PGM5: variants seen among roughly 807,000 people sequenced by gnomAD.
The protein encoded by PGM5 is phosphoglucomutase 5.
Under a neutral mutation model 59.2 loss-of-function variants are expected in PGM5, and 23 were observed. The observed-to-expected ratio is 0.39, with a 90% confidence interval of 0.28 to 0.55. The LOEUF is 0.55. Among genes scored for constraint, PGM5 ranks in the 20% least tolerant of loss-of-function variants. The probability of loss-of-function intolerance (pLI) is 0.66; values close to 1 mark genes in which losing one functional copy is unlikely to be tolerated. For missense variants in PGM5, 574 were observed against 748.3 expected, an observed-to-expected ratio of 0.77 and a Z score of 2.72; for synonymous variants, 214 against 286.0, an observed-to-expected ratio of 0.75 and a Z score of 2.54.
intron 10 of PGM5, among the ~76,000 whole-genome samples, chr9:68,501,058 G>A (rs1824565517): frequency 6.6e-6 from 1 of 152,052 alleles, no homozygotes; most frequent in African/African-American, 2.4e-5. Flanking sequence ...AGTCATGCTG[G>A]TTTTGGTCCC....
chr9:68,418,882 G>A (rs1042791620), intron 6 of PGM5, among the ~76,000 whole-genome samples: 1 of 152,134 alleles, frequency 6.6e-6, no homozygotes, highest in East Asian at 1.9e-4. Context: ...GAGGTGTTGG[G>A]AGATGAAGTT....
intron 9 of PGM5, among the ~76,000 whole-genome samples, chr9:68,492,369 GC>G (rs1343164215): frequency 6.6e-6 from 1 of 152,186 alleles, no homozygotes; most frequent in Non-Finnish European, 1.5e-5. Flanking sequence ...CCCTCCAGCA[GC>G]CCTCTCATCA....
rs1490370825 is a variant in PGM5, at chr9:68,376,866, T to TTC, written c.262-1331_262-1330dup. 4.2e-5 allele frequency among the ~76,000 whole-genome samples: 6 copies of TTC among 143,310 alleles called. 1 individual carries two copies. In the East Asian group the frequency reaches 1.3e-3, roughly 30 times the overall value. The allele number at this position is 143,310 out of a possible 152,430, so 94.0% of individuals were successfully genotyped here. A position where few individuals can be genotyped will look rare whatever the true frequency, so the allele number is the denominator to read the frequency against. On this transcript the variant is annotated intron_variant, in intron 1 of 10. Transcript: ENST00000396396. ...TTCTTTCTTTCTCTTTCTTTCTTTT[T>TTC]TCTTTCTCTTTCTTTCTTTTTTTCT... is the stretch of plus-strand genomic sequence containing the variant.
At chr9:68,415,349 T>G (rs3118939) in intron 6 of PGM5, among the ~76,000 whole-genome samples, 1 of 149,196 alleles carries the variant, frequency 6.7e-6, no homozygotes, top group Non-Finnish European at 1.5e-5. Flanking sequence ...AGGGAGACCC[T>G]GAAGCCAAAG....
At chr9:68,381,596 A>G (rs1554678316) in intron 2 of PGM5, among the ~76,000 whole-genome samples, 1 of 151,578 alleles carries the variant, frequency 6.6e-6, no homozygotes, top group Non-Finnish European at 1.5e-5. Flanking sequence ...CTATTTACAG[A>G]TGATATGATC....
intron 6 of PGM5, among the ~76,000 whole-genome samples, chr9:68,425,888 G>A (rs181803759): frequency 7.9e-5 from 12 of 152,122 alleles, no homozygotes; most frequent in Non-Finnish European, 1.5e-4. Flanking sequence ...AATTTGTATC[G>A]AAAGTACACT....
chr9:68,416,434 CTT>C (rs1823033869), intron 6 of PGM5, among the ~76,000 whole-genome samples: 2 of 152,164 alleles, frequency 1.3e-5, no homozygotes, highest in Non-Finnish European at 2.9e-5. Context: ...AGAAGCCTAT[CTT>C]TATTAATTTT....
At chr9:68,443,402 A>G (rs1469170141) in intron 6 of PGM5, among the ~76,000 whole-genome samples, 1 of 152,210 alleles carries the variant, frequency 6.6e-6, no homozygotes, top group African/African-American at 2.4e-5. Context: ...TCTGTGGTTG[A>G]TGGAAATGTT....
chr9:68,499,431 C>T, intron 10 of PGM5, 70 bp downstream of exon 10: 1 of 1,483,604 alleles, frequency 6.7e-7, no homozygotes, highest in Non-Finnish European at 9.2e-7. Context: ...CTCCATGGGC[C>T]TTTAGTGGGG....
At chr9:68,480,743 GA>G (rs1824184445) in intron 8 of PGM5, among the ~76,000 whole-genome samples, 1 of 151,856 alleles carries the variant, frequency 6.6e-6, no homozygotes, top group African/African-American at 2.4e-5. Flanking sequence ...CAGGGAAAAA[GA>G]AGTACAGAAA....
intron 6 of PGM5, chr9:68,397,282 C>T (rs1554680110): frequency 6.5e-6 from 1 of 152,758 alleles, no homozygotes; most frequent in African/African-American, 2.4e-5. Flanking sequence ...TCTTTTGTGT[C>T]ATCATCCTTC....
chr9:68,515,092 T>C (rs1824805603), intron 10 of PGM5, among the ~76,000 whole-genome samples: 2 of 152,218 alleles, frequency 1.3e-5, no homozygotes, highest in Non-Finnish European at 2.9e-5. Flanking sequence ...AAATTGTGGG[T>C]AGACAGTCTA....
At chr9:68,520,773 G>A (rs1370321115) in intron 10 of PGM5, among the ~76,000 whole-genome samples, 1 of 152,160 alleles carries the variant, frequency 6.6e-6, no homozygotes, top group Middle Eastern at 3.2e-3. Flanking sequence ...CCTGGACGTA[G>A]GCTATATGTG....
intron 6 of PGM5, among the ~76,000 whole-genome samples, chr9:68,411,203 G>T (rs1336435288): frequency 6.6e-6 from 1 of 151,816 alleles, no homozygotes; most frequent in Non-Finnish European, 1.5e-5. Context: ...AATGATTTTG[G>T]GTAGGCAACT....
intron 6 of PGM5, among the ~76,000 whole-genome samples, chr9:68,409,872 T>A (rs1194014297): frequency 4.4e-5 from 6 of 137,476 alleles, no homozygotes; most frequent in African/African-American, 5.6e-5. Flanking sequence ...ACTTAAAGTA[T>A]AAAAAAAAAA....
intron 6 of PGM5, among the ~76,000 whole-genome samples, chr9:68,433,999 A>T (rs1823398225): frequency 2.0e-5 from 3 of 152,314 alleles, no homozygotes; most frequent in Admixed American, 6.5e-5. Context: ...ACCCTCAAAG[A>T]GACAATTCGA....
chr9:68,434,787 C>CA (rs1197460676), intron 6 of PGM5, among the ~76,000 whole-genome samples: 3,694 of 137,512 alleles, frequency 0.027, 127 homozygotes, highest in African/African-American at 0.087. Flanking sequence ...GACTCCATCT[C>CA]AAAAAAAAAA....
chr9:68,375,896 C>G (rs1821866779), intron 1 of PGM5, among the ~76,000 whole-genome samples: 1 of 152,158 alleles, frequency 6.6e-6, no homozygotes, highest in Non-Finnish European at 1.5e-5. Flanking sequence ...GGCAAGTATT[C>G]TAAGCAGAGG....
At chr9:68,423,655 GTCTCTCTCTC>G (rs111849049) in intron 6 of PGM5, among the ~76,000 whole-genome samples, 11 of 145,822 alleles carry the variant, frequency 7.5e-5, no homozygotes, top group Non-Finnish European at 1.2e-4. Flanking sequence ...CTCTCTCTCT[GTCTCTCTCTC>G]TCTCTCTCTC....
Sources: allele counts gnomAD v4.1 joint callset (sites outside exome capture counted in the v4.1 genomes callset), GRCh38; gene constraint gnomAD v4.1.1; transcripts MANE v1.5; gene names NCBI Gene and HGNC (gene_info 2026-07-23, HGNC 2026-07-21).